KIR3DL3: variants seen among roughly 807,000 people sequenced by gnomAD.
KIR3DL3 encodes killer cell immunoglobulin-like receptor 3DL3.
KIR3DL3 carries 27 observed loss-of-function variants against 34.9 expected under a neutral mutation model. The ratio of observed to expected loss-of-function variants is 0.77; its 90% CI spans 0.57 to 1.07. The LOEUF (loss-of-function observed/expected upper bound fraction) is 1.07. Ranked by LOEUF, KIR3DL3 falls within the 50% of genes least tolerant of loss-of-function variation. The probability of loss-of-function intolerance (pLI) is 0.00; values close to 1 mark genes in which losing one functional copy is unlikely to be tolerated. For missense variants in KIR3DL3, 681 were observed against 528.5 expected, an observed-to-expected ratio of 1.29 and a Z score of -2.83; for synonymous variants, 217 against 200.2, an observed-to-expected ratio of 1.08 and a Z score of -0.71.
intron 2 of KIR3DL3, 133 bp downstream of exon 2, chr19:54,725,415 T>C (rs1047862905): frequency 1.3e-6 from 1 of 758,608 alleles, no homozygotes; most frequent in Admixed American, 2.4e-5. Context: ...TCTCATGAAC[T>C]AGGAAAAGGA....
chr19:54,729,368 T>G, intron 4 of KIR3DL3, 125 bp from the exon 5 acceptor site: 13 of 1,075,226 alleles, frequency 1.2e-5, no homozygotes, highest in East Asian at 7.6e-5. Flanking sequence ...GAGATGGGGG[T>G]GGAGGGTGAG....
At chr19:54,735,106 A>G in intron 5 of KIR3DL3, 147 bp from the exon 6 acceptor site, 1 of 702,446 alleles carries the variant, frequency 1.4e-6, no homozygotes, top group Non-Finnish European at 2.5e-6. Context: ...CAACTGAGAA[A>G]GCAGGAGGAA....
chr19:54,729,541 A>T lies in KIR3DL3; in HGVS notation c.704A>T (p.Gln235Leu), dbSNP rs1386364676. 1.9e-6 allele frequency: 3 copies of T among 1,606,450 alleles called. No individual in the cohort carries two copies. The highest frequency in any genetic ancestry group is 2.5e-6 in the Non-Finnish European group (3 of 1,178,272). Residue 235 changes from glutamine (Q) to leucine (L), a missense_variant, in exon 5 of 8, where the codon CAG becomes CTG. Transcript: ENST00000291860. ...TCAGCCCAGCCGGGCCCCACGGTTC[A>T]GGCAGGAGAGAATGTGACCTTGTCC... Reference protein sequence around the residue: ...SLSAQPGPTVQAGENVTLSCS... With the variant: ...SLSAQPGPTVLAGENVTLSCS...
At chr19:54,732,548 C>T (rs1174285572) in intron 5 of KIR3DL3, among the ~76,000 whole-genome samples, 4 of 152,220 alleles carry the variant, frequency 2.6e-5, no homozygotes, top group South Asian at 4.1e-4. Flanking sequence ...AGAGCTACTG[C>T]GCCCAGCCAG....
Position 54,735,773 on chromosome 19 carries a change from C to T in KIR3DL3, c.1055-47C>T, listed in dbSNP as rs757802297. 1.7e-5 allele frequency: 28 copies of T among 1,604,572 alleles called. No homozygotes were observed. In the East Asian group the frequency reaches 6.2e-4, roughly 36 times the overall value. On this transcript the variant is annotated intron_variant, in intron 6 of 7. Coordinates refer to ENST00000291860, the MANE Select transcript of KIR3DL3 (RefSeq NM_153443.5). ...TTGGTATCTGCTTATGAAATGAGGACCCAGAAGTGCCCTCCGAGCTGTTTT... is the reference window on the plus strand; with the variant it reads ...TTGGTATCTGCTTATGAAATGAGGATCCAGAAGTGCCCTCCGAGCTGTTTT...
At chr19:54,734,058 G>T (rs1417548609) in intron 5 of KIR3DL3, among the ~76,000 whole-genome samples, 2 of 152,132 alleles carry the variant, frequency 1.3e-5, no homozygotes, top group Non-Finnish European at 2.9e-5. Flanking sequence ...GTAGCATGTT[G>T]TTCCTGGGCT....
In KIR3DL3 at chr19:54,736,145, A is replaced by G. The variant is rs186885062; in HGVS notation, c.*49A>G. The G allele has an allele frequency of 9.2e-5, 148 of 1,604,088 alleles. No homozygotes were observed. The African/African-American group carries it at 1.7e-3, about 18-fold the overall frequency. ...GCAGATCCAAAGTTGTCTTCTGTCCACTAGCACCACAGTCAGGCCTTGATG... is the reference window on the plus strand; with the variant it reads ...GCAGATCCAAAGTTGTCTTCTGTCCGCTAGCACCACAGTCAGGCCTTGATG... On this transcript the variant is annotated 3_prime_UTR_variant, in exon 8 of 8. Transcript: ENST00000291860.
intron 5 of KIR3DL3, among the ~76,000 whole-genome samples, chr19:54,734,908 G>A (rs79099454): frequency 7.1e-6 from 1 of 140,952 alleles, no homozygotes; most frequent in Non-Finnish European, 1.5e-5. Context: ...ACTAATAGAG[G>A]GGGAACTTGC....
Position 54,727,806 on chromosome 19 carries a change from C to G in KIR3DL3, c.551C>G (p.Pro184Arg), listed in dbSNP as rs780028065. The change falls in exon 4 of 8, where the codon CCC becomes CGC. Residue 184 changes from proline (P) to arginine (R), a missense_variant. Pro to Arg is a moderately radical substitution (Grantham distance 103). Coordinates refer to ENST00000291860, the MANE Select transcript of KIR3DL3 (RefSeq NM_153443.5). The stretch of plus-strand genomic sequence containing the variant: ...TCCCAGGTCAACTATTCCATGGGTC[C>G]CATGACACCTGCCCTTGCAGGGACC... ...AGSQVNYSMG[P>R]MTPALAGTYR... 3.1e-6 allele frequency: 5 copies of G among 1,613,792 alleles called. No homozygotes were observed. Among genetic ancestry groups the G allele is most frequent in the Non-Finnish European group, 4.2e-6 (5 of 1,179,992 alleles).
At chr19:54,729,445 T>A in intron 4 of KIR3DL3, 48 bp from the exon 5 acceptor site, 1 of 1,441,404 alleles carries the variant, frequency 6.9e-7, no homozygotes. Context: ...TGAGGAGAGC[T>A]GTGACAAGGA....
chr19:54,726,283 C>T lies in KIR3DL3; in HGVS notation c.301C>T (p.His101Tyr). 8 of 1,613,996 alleles carry T rather than the reference C, an allele frequency of 5.0e-6. No individual in the cohort carries two copies. The highest frequency in any genetic ancestry group is 1.3e-5 in the African/African-American group (1 of 74,972). ...GTYRCCSSHP[H>Y]SPTGWSAPSN... is the part of the protein sequence containing the mutation. ...CTACAGATGTTGCAGTTCACACCCA[C>T]ACTCCCCCACTGGGTGGTCGGCACC... The change falls in exon 3 of 8, where the codon CAC (histidine) becomes TAC (tyrosine). Residue 101 changes from histidine to tyrosine, a missense_variant. Transcript: ENST00000291860.
In KIR3DL3 at chr19:54,725,248, G is replaced by C; in HGVS notation, c.36G>C (p.Gly12=). 1 of 1,594,912 alleles carries C rather than the reference G, an allele frequency of 6.3e-7. No homozygotes were observed. The highest frequency in any genetic ancestry group is 1.7e-5 in the Admixed American group (1 of 59,396). ...ATCCATCATGATCTTTCTTTCCAGG[G>C]TTCTTCTTGCTGGAGGGGCCCTGGC... ...SLMVVSMACV[G]FFLLEGPWPH... is the part of the protein sequence containing the mutation. Residue 12 remains glycine, a splice_region_variant and synonymous_variant, in exon 2 of 8, where the codon GGG becomes GGC. Coordinates refer to ENST00000291860, the MANE Select transcript of KIR3DL3 (RefSeq NM_153443.5).
At chr19:54,729,043 A>G (rs2146796233) in intron 4 of KIR3DL3, among the ~76,000 whole-genome samples, 1 of 149,576 alleles carries the variant, frequency 6.7e-6, no homozygotes, top group South Asian at 2.2e-4. Flanking sequence ...ATGCATACAT[A>G]CATACATTGA....
intron 3 of KIR3DL3, 92 bp downstream of exon 3, chr19:54,726,429 G>T (rs2068193066): frequency 2.7e-6 from 4 of 1,491,758 alleles, no homozygotes; most frequent in South Asian, 2.6e-5. Context: ...AATCATCCAG[G>T]CCCCGACTGT....
In KIR3DL3 at chr19:54,725,353, G is replaced by A. The variant is rs1476464504; in HGVS notation, c.70+71G>A. On this transcript the variant is annotated intron_variant, in intron 2 of 7. Coordinates refer to ENST00000291860, the MANE Select transcript of KIR3DL3 (RefSeq NM_153443.5). The stretch of plus-strand genomic sequence containing the variant: ...ATGATGCTCCTGAAACGGGAGGCAG[G>A]CGACACAGGGGGTTGACTGATGGGC... 4.3e-6 allele frequency: 5 copies of A among 1,165,840 alleles called. No homozygotes were observed. The East Asian group carries it at 9.8e-5, about 23-fold the overall frequency. 72.2% of individuals were successfully genotyped at this position (1,165,840 alleles called of 1,614,324 possible). A position where few individuals can be genotyped will look rare whatever the true frequency, so the allele number is the denominator to read the frequency against.
Position 54,727,814 on chromosome 19 carries a change from C to G in KIR3DL3, c.559C>G (p.Pro187Ala). The change falls in exon 4 of 8, where the codon CCT becomes GCT. Residue 187 changes from proline to alanine, a missense_variant. Pro to Ala is a conservative substitution (Grantham distance 27). Transcript: ENST00000291860. ...QVNYSMGPMT[P>A]ALAGTYRCFG... The stretch of plus-strand genomic sequence containing the variant: ...CAACTATTCCATGGGTCCCATGACA[C>G]CTGCCCTTGCAGGGACCTACAGATG... 1 of 1,613,980 alleles carries G rather than the reference C, an allele frequency of 6.2e-7. No homozygotes were observed. Among genetic ancestry groups the G allele is most frequent in the African/African-American group, 1.3e-5 (1 of 75,004 alleles).
chr19:54,725,355 G>A lies in KIR3DL3; in HGVS notation c.70+73G>A, dbSNP rs376760752. The A allele has an allele frequency of 1.9e-4, 213 of 1,130,558 alleles. 1 individual carries two copies. In the African/African-American group the frequency reaches 2.8e-3, roughly 15 times the overall value. The allele number at this position is 1,130,558 out of a possible 1,614,324, so 70.0% of individuals were successfully genotyped here. A position where few individuals can be genotyped will look rare whatever the true frequency, so the allele number is the denominator to read the frequency against. On this transcript the variant is annotated intron_variant, in intron 2 of 7. Transcript: ENST00000291860. ...GATGCTCCTGAAACGGGAGGCAGGCGACACAGGGGGTTGACTGATGGGCTG... is the reference window on the plus strand; with the variant it reads ...GATGCTCCTGAAACGGGAGGCAGGCAACACAGGGGGTTGACTGATGGGCTG...
intron 5 of KIR3DL3, among the ~76,000 whole-genome samples, chr19:54,731,185 T>C (rs1473547076): frequency 6.6e-6 from 1 of 152,018 alleles, no homozygotes; most frequent in Non-Finnish European, 1.5e-5. Context: ...TTTATATTTT[T>C]AGTAGAGACA....
At chr19:54,732,823 T>C (rs1325224905) in intron 5 of KIR3DL3, among the ~76,000 whole-genome samples, 1 of 152,122 alleles carries the variant, frequency 6.6e-6, no homozygotes. Flanking sequence ...GAGAGCACAC[T>C]GGGTACACAG....
Sources: gnomAD v4.1 joint callset for allele counts (sites outside exome capture counted in the v4.1 genomes callset) on GRCh38, gnomAD v4.1.1 for gene constraint, MANE v1.5 for transcripts, NCBI Gene and HGNC (gene_info 2026-07-23, HGNC 2026-07-21) for gene names.